Variants in OTC observed in about 807,000 individuals in gnomAD.
OTC encodes the protein ornithine transcarbamylase.
Under a neutral mutation model 30.3 loss-of-function variants are expected in OTC, and 3 were observed. The observed-to-expected ratio is 0.10, with a 90% CI of 0.05 to 0.26. The LOEUF is 0.26. OTC is among the 10% of genes least tolerant of loss of function. The probability of loss-of-function intolerance (pLI) is 1.00; values close to 1 mark genes in which losing one functional copy is unlikely to be tolerated. For synonymous variants in OTC, 111 were observed against 99.7 expected (o/e 1.11, Z -0.67); for missense variants, 194 against 260.3 (o/e 0.75, Z 1.75).
chrX:38,420,890 C>G lies in OTC; in HGVS notation c.1006-133C>G, dbSNP rs2068591670. On this transcript the variant is annotated intron_variant, in intron 9 of 9. Transcript: ENST00000039007. ...ATAAATATTAGTTCAGAACTGTTCT[C>G]TTACCATTTTCTTGAGAAAACACAT... is the stretch of plus-strand genomic sequence containing the variant. 6.1e-6 allele frequency: 3 copies of G among 494,443 alleles called. No homozygotes were observed. The African/African-American group carries it at 7.0e-5, about 11-fold the overall frequency. The allele number at this position is 494,443 out of a possible 1,213,427, so 40.7% of individuals were successfully genotyped here.
At chrX:38,329,860 C>T in the OTC span, among the ~76,000 whole-genome samples, 3 of 111,611 alleles carry the variant, frequency 2.7e-5, no homozygotes, top group African/African-American at 9.8e-5. Context: ...CAGTGGGAAA[C>T]CTCTAGAGGG....
At chrX:38,358,733 T>C (rs750189334) in intron 1 of OTC, among the ~76,000 whole-genome samples, 1 of 107,397 alleles carries the variant, frequency 9.3e-6, no homozygotes, top group African/African-American at 3.4e-5. Context: ...GTGATTCTCC[T>C]GCCTCAGCCT....
chrX:38,415,437 T>C (rs1300417119), intron 9 of OTC, among the ~76,000 whole-genome samples: 3 of 111,448 alleles, frequency 2.7e-5, no homozygotes, highest in Non-Finnish European at 5.7e-5. Context: ...AGCACTGCCG[T>C]GATACATTTT....
At chrX:38,382,609 A>G (rs767530446) in intron 4 of OTC, among the ~76,000 whole-genome samples, 1 of 112,646 alleles carries the variant, frequency 8.9e-6, no homozygotes, top group East Asian at 2.8e-4. Flanking sequence ...ATCAAGGAAC[A>G]TAAATTTTTT....
intron 6 of OTC, among the ~76,000 whole-genome samples, chrX:38,408,433 C>T (rs769801650): frequency 8.0e-5 from 9 of 112,029 alleles, no homozygotes; most frequent in Non-Finnish European, 1.7e-4. Flanking sequence ...TGAATATAAT[C>T]CTCTTAAGCC....
Position 38,381,333 on chromosome X carries a change from T to A in OTC, c.299-9T>A. On this transcript the variant is annotated splice_polypyrimidine_tract_variant and intron_variant, in intron 3 of 9. Coordinates refer to ENST00000039007, the MANE Select transcript of OTC (RefSeq NM_000531.6). ...TCAAAATGATTTTTTTCTTTTTTTT[T>A]TATTGTAGGCTTTGCACTTCTGGGA... The A allele has an allele frequency of 8.8e-7, 1 of 1,136,358 alleles. No individual in the cohort carries two copies. The highest frequency in any genetic ancestry group is 1.2e-6 in the Non-Finnish European group (1 of 836,472). 93.6% of individuals were successfully genotyped at this position (1,136,358 alleles called of 1,213,427 possible).
chrX:38,409,003 A>G lies in OTC; in HGVS notation c.845A>G (p.Gln282Arg), dbSNP rs2068530314. The change falls in exon 8 of 10, where the codon CAA becomes CGA. Residue 282 changes from glutamine (Q) to arginine (R), a missense_variant. By Grantham distance (43) the Gln-to-Arg change is conservative (BLOSUM62 1). Transcript: ENST00000039007. Reference protein sequence around the residue: ...EEKKKRLQAFQGYQVTMKTAK... With the variant: ...EEKKKRLQAFRGYQVTMKTAK... ...AAGAAAAAGCGGCTCCAGGCTTTCCAAGGTTACCAGGTTACAATGAAGGTA... is the reference window on the plus strand; with the variant it reads ...AAGAAAAAGCGGCTCCAGGCTTTCCGAGGTTACCAGGTTACAATGAAGGTA... 1 of 1,211,668 alleles carries G rather than the reference A, an allele frequency of 8.3e-7. No homozygotes were observed. Among genetic ancestry groups the G allele is most frequent in the Non-Finnish European group, 1.1e-6 (1 of 895,384 alleles).
chrX:38,421,045 C>T lies in OTC; in HGVS notation c.1028C>T (p.Thr343Ile). ...CAGGCTGTCATGGTGTCCCTGCTGA[C>T]AGATTACTCACCTCAGCTCCAGAAG... is the stretch of plus-strand genomic sequence containing the variant. ...TIMAVMVSLL[T>I]DYSPQLQKPK... The change falls in exon 10 of 10, where the codon ACA becomes ATA. Residue 343 changes from threonine (T) to isoleucine (I), a missense_variant. Transcript: ENST00000039007. 8.3e-7 allele frequency: 1 copy of T among 1,203,383 alleles called. No homozygotes were observed.
At position 38,411,846 on chromosome X, in the gene OTC, A is replaced by G. The variant is rs767308398; in HGVS notation, c.868-16A>G. ...CATATAATAGTCAAAAAGTGGTCTT[A>G]TCCCCATCTCTTTAGACTGCTAAAG... On this transcript the variant is annotated splice_polypyrimidine_tract_variant and intron_variant, in intron 8 of 9. Coordinates refer to ENST00000039007, the MANE Select transcript of OTC (RefSeq NM_000531.6). 10 of 1,207,688 alleles carry G rather than the reference A, an allele frequency of 8.3e-6. No homozygotes were observed. In the South Asian group the frequency reaches 1.8e-4, roughly 21 times the overall value.
the OTC span, among the ~76,000 whole-genome samples, chrX:38,331,959 A>G: frequency 9.0e-6 from 1 of 111,173 alleles, no homozygotes; most frequent in Non-Finnish European, 1.9e-5. Flanking sequence ...GTACTGGTTC[A>G]TGGCCTGTTA....
rs756737192 is a variant in OTC at position 38,415,379 on chromosome X, G to A, written c.1005+3380G>A. On this transcript the variant is annotated intron_variant, in intron 9 of 9. Transcript: ENST00000039007. ...TAGGTGTGAGCCACCACAGCCGGCCGCAAATAAATTATTCTTATACAGCTT... is the reference window on the plus strand; with the variant it reads ...TAGGTGTGAGCCACCACAGCCGGCCACAAATAAATTATTCTTATACAGCTT... Among the ~76,000 whole-genome samples, 3 of 109,993 alleles carry A rather than the reference G, an allele frequency of 2.7e-5. No homozygotes were observed. The South Asian group carries it at 1.2e-3, about 44-fold the overall frequency.
At chrX:38,412,287 A>C (rs890863969) in intron 9 of OTC, among the ~76,000 whole-genome samples, 8 of 111,873 alleles carry the variant, frequency 7.2e-5, no homozygotes, top group Non-Finnish European at 1.5e-4. Context: ...CAACCATTAT[A>C]AGTCATATAA....
At chrX:38,415,176 T>C (rs1217133818) in intron 9 of OTC, among the ~76,000 whole-genome samples, 2 of 109,943 alleles carry the variant, frequency 1.8e-5, no homozygotes, top group African/African-American at 6.6e-5. Context: ...CCTCCTGGGT[T>C]CAAGTGATTC....
At position 38,418,417 on chromosome X, in the gene OTC, C is replaced by T. The variant is rs1306455508; in HGVS notation, c.1006-2606C>T. Among the ~76,000 whole-genome samples, 11 of 111,923 alleles carry T rather than the reference C, an allele frequency of 9.8e-5. No homozygotes were observed. The Admixed American group carries it at 1.0e-3, about 11-fold the overall frequency. On this transcript the variant is annotated intron_variant, in intron 9 of 9. Coordinates refer to ENST00000039007, the MANE Select transcript of OTC (RefSeq NM_000531.6). ...GATGTATGGTTTACAAATATTTTGT[C>T]CCATTCTGTGGATTGTCTCTTCACT...
At chrX:38,414,950 A>G (rs2068562707) in intron 9 of OTC, among the ~76,000 whole-genome samples, 2 of 111,215 alleles carry the variant, frequency 1.8e-5, no homozygotes, top group Admixed American at 9.6e-5. Flanking sequence ...AAAAAAGAGA[A>G]TAGTATGCAG....
upstream of OTC, among the ~76,000 whole-genome samples, chrX:38,348,511 C>T (rs942025384): frequency 1.9e-5 from 2 of 107,550 alleles, no homozygotes; most frequent in Non-Finnish European, 3.8e-5. Context: ...CTGGAGCCAG[C>T]TCACAGTAGC....
At chrX:38,375,173 T>A (rs1054883944) in intron 3 of OTC, among the ~76,000 whole-genome samples, 3 of 111,908 alleles carry the variant, frequency 2.7e-5, no homozygotes, top group African/African-American at 9.7e-5. Flanking sequence ...TTCTAGTGGG[T>A]ACACAGACAA....
chrX:38,378,657 A>G (rs1310210365), intron 3 of OTC, among the ~76,000 whole-genome samples: 1 of 112,406 alleles, frequency 8.9e-6, no homozygotes, highest in East Asian at 2.8e-4. Context: ...AGAATGAATG[A>G]ATTTCAGAAT....
intron 3 of OTC, among the ~76,000 whole-genome samples, chrX:38,381,089 G>A (rs925700906): frequency 8.9e-6 from 1 of 112,175 alleles, no homozygotes; most frequent in African/African-American, 3.2e-5. Context: ...ATGATGCCTC[G>A]TTATTGCCAG....
Sources: allele counts gnomAD v4.1 joint callset (sites outside exome capture counted in the v4.1 genomes callset), GRCh38; gene constraint gnomAD v4.1.1; transcripts MANE v1.5; gene names NCBI Gene and HGNC (gene_info 2026-07-23, HGNC 2026-07-21).